The following SNX29 variants were observed in gnomAD, a reference collection of about 807,000 sequenced individuals.
SNX29 encodes the protein sorting nexin 29, also known as sorting nexin-29.
SNX29 carries 78 observed loss-of-function variants against 102.1 expected under a neutral mutation model. The ratio of observed to expected loss-of-function variants is 0.76; its 90% CI spans 0.64 to 0.92. The LOEUF (loss-of-function observed/expected upper bound fraction) is 0.92, where lower values mean the gene tolerates loss of function less well. SNX29 is among the 40% of genes least tolerant of loss of function. SNX29 has a pLI of 0.00. For missense variants in SNX29, 1,280 were observed against 1,061.7 expected (o/e 1.21, Z -2.86); for synonymous variants, 580 against 414.5 (o/e 1.40, Z -4.85).
At chr16:12,220,587 C>T (rs984510517) in intron 14 of SNX29, among the ~76,000 whole-genome samples, 1 of 152,172 alleles carries the variant, frequency 6.6e-6, no homozygotes, top group African/African-American at 2.4e-5. Context: ...GTGCTGATCT[C>T]CCCTGCATGT....
intron 14 of SNX29, among the ~76,000 whole-genome samples, chr16:12,277,251 T>C (rs1234034951): frequency 6.6e-6 from 1 of 151,996 alleles, no homozygotes; most frequent in Non-Finnish European, 1.5e-5. Flanking sequence ...AAAAAAGAAC[T>C]AGCCTGCTGC....
chr16:12,400,150 A>G (rs1045586373), intron 17 of SNX29, among the ~76,000 whole-genome samples: 57 of 152,158 alleles, frequency 3.7e-4, no homozygotes, highest in African/African-American at 1.3e-3. Flanking sequence ...AGCCAGAGGC[A>G]GCAATGGCAC....
rs570784016 is a variant in SNX29 at position 12,548,450 on chromosome 16, C to G, written c.2319-20056C>G. Among the ~76,000 whole-genome samples the G allele has an allele frequency of 5.9e-5, 9 of 152,370 alleles. No individual in the cohort carries two copies. The South Asian group carries it at 1.9e-3, about 32-fold the overall frequency. On this transcript the variant is annotated intron_variant, in intron 20 of 20. Transcript: ENST00000566228. ...GTGCCACATCCCTGTACCATGGCAT[C>G]TGTGTCTTTTGGACAGCACCGGGCT...
At chr16:12,471,685 G>C (rs575515830) in intron 18 of SNX29, among the ~76,000 whole-genome samples, 14 of 152,366 alleles carry the variant, frequency 9.2e-5, no homozygotes, top group South Asian at 2.1e-4. Context: ...GACAGCGAAG[G>C]CAGGGCTATG....
intron 13 of SNX29, among the ~76,000 whole-genome samples, chr16:12,133,856 C>T (rs1018259485): frequency 9.5e-4 from 144 of 152,262 alleles, no homozygotes; most frequent in African/African-American, 3.1e-3. Flanking sequence ...GCTAAGTATG[C>T]GCTTGTGTAT....
At chr16:12,032,521 T>C (rs1376096550) in intron 4 of SNX29, among the ~76,000 whole-genome samples, 2 of 152,106 alleles carry the variant, frequency 1.3e-5, no homozygotes, top group Non-Finnish European at 2.9e-5. Context: ...TTTTCTTCTT[T>C]TTAAAGGCTG....
chr16:12,105,847 G>A (rs2053214035), intron 11 of SNX29, among the ~76,000 whole-genome samples: 1 of 152,126 alleles, frequency 6.6e-6, no homozygotes, highest in South Asian at 2.1e-4. Flanking sequence ...CTTTTTGGGC[G>A]AATATTAAGT....
intron 14 of SNX29, among the ~76,000 whole-genome samples, chr16:12,267,558 GC>G (rs1175723025): frequency 6.6e-6 from 1 of 152,140 alleles, no homozygotes; most frequent in African/African-American, 2.4e-5. Context: ...TTGTGTTTGT[GC>G]TGGAGCCCAA....
intron 19 of SNX29, 76 bp from the exon 20 acceptor site, chr16:12,524,626 A>T (rs2151956662): frequency 1.3e-6 from 2 of 1,515,052 alleles, no homozygotes; most frequent in East Asian, 4.8e-5. Flanking sequence ...CTGATGGGTG[A>T]TCGCCTGTTC....
At chr16:12,432,901 G>T (rs1383989630) in intron 18 of SNX29, among the ~76,000 whole-genome samples, 2 of 152,248 alleles carry the variant, frequency 1.3e-5, no homozygotes, top group Non-Finnish European at 2.9e-5. Context: ...TGTTGACTGT[G>T]CATTGGTTTT....
In SNX29 at chr16:12,571,877, G is replaced by C; in HGVS notation, c.*3248G>C. 9.4e-7 allele frequency: 1 copy of C among 1,061,696 alleles called. No individual in the cohort carries two copies. The highest frequency in any genetic ancestry group is 1.1e-6 in the Non-Finnish European group (1 of 876,966). The allele number at this position is 1,061,696 out of a possible 1,614,324, so 65.8% of individuals were successfully genotyped here. A position where few individuals can be genotyped will look rare whatever the true frequency, so the allele number is the denominator to read the frequency against. On this transcript the variant is annotated 3_prime_UTR_variant, in exon 21 of 21. Transcript: ENST00000566228. The stretch of plus-strand genomic sequence containing the variant: ...TTGCTGGCAAGGCATTTTAGAGTTT[G>C]GAGCTGAGGTTCAAAGCCCCCTGCA...
intron 18 of SNX29, among the ~76,000 whole-genome samples, chr16:12,439,833 C>T (rs1194654653): frequency 1.3e-5 from 2 of 152,230 alleles, no homozygotes; most frequent in Admixed American, 1.3e-4. Context: ...TTCACCCCTG[C>T]AGTGGGGGAA....
intron 20 of SNX29, among the ~76,000 whole-genome samples, chr16:12,547,430 G>A (rs562286407): frequency 1.4e-4 from 22 of 152,244 alleles, no homozygotes; most frequent in South Asian, 1.0e-3. Flanking sequence ...TGGGCACCCC[G>A]GGGAGAGGGG....
At chr16:12,309,866 G>T (rs569657501) in intron 15 of SNX29, among the ~76,000 whole-genome samples, 102 of 152,278 alleles carry the variant, frequency 6.7e-4, no homozygotes, top group African/African-American at 2.3e-3. Context: ...CCTACCCTTG[G>T]TCTGAAGTCT....
chr16:12,027,406 T>A lies in SNX29; in HGVS notation c.209T>A (p.Ile70Asn), dbSNP rs763084719. ...GGATTGGCACTCACAGCGGCAGCGA[T>A]CAAGCAGGCAGCGGGCTTTGCCAGC... ...SRGLALTAAA[I>N]KQAAGFASKT... is the part of the protein sequence containing the mutation. The change falls in exon 4 of 21, where the codon ATC becomes AAC. Residue 70 changes from isoleucine (I) to asparagine (N), a missense_variant. Coordinates refer to ENST00000566228, the MANE Select transcript of SNX29 (RefSeq NM_032167.5). The A allele has an allele frequency of 1.2e-6, 2 of 1,614,126 alleles. No individual in the cohort carries two copies. The highest frequency in any genetic ancestry group is 1.7e-6 in the Non-Finnish European group (2 of 1,179,994).
At chr16:12,079,980 A>G (rs2051784626) in intron 11 of SNX29, among the ~76,000 whole-genome samples, 1 of 152,176 alleles carries the variant, frequency 6.6e-6, no homozygotes, top group Non-Finnish European at 1.5e-5. Context: ...TTCAATCATG[A>G]TCATTCTATT....
At position 12,069,051 on chromosome 16, in the gene SNX29, G is replaced by A. The variant is rs2051170877; in HGVS notation, c.1244-6G>A. 6.2e-7 allele frequency: 1 copy of A among 1,613,740 alleles called. No homozygotes were observed. The stretch of plus-strand genomic sequence containing the variant: ...ACCTCTTTCTGTGATTGCTCTCTCT[G>A]CACAGATGCCCCCCTCGGAAGCCTG... On this transcript the variant is annotated splice_polypyrimidine_tract_variant and splice_region_variant and intron_variant, in intron 9 of 20. Coordinates refer to ENST00000566228, the MANE Select transcript of SNX29 (RefSeq NM_032167.5).
intron 20 of SNX29, among the ~76,000 whole-genome samples, chr16:12,544,977 A>T (rs933590440): frequency 2.4e-4 from 36 of 152,068 alleles, no homozygotes; most frequent in African/African-American, 7.5e-4. Context: ...AGAGAGATTG[A>T]GTAACTTGTC....
intron 9 of SNX29, among the ~76,000 whole-genome samples, chr16:12,064,741 G>A (rs1027715038): frequency 3.3e-5 from 5 of 152,198 alleles, no homozygotes; most frequent in East Asian, 1.9e-4. Flanking sequence ...GTGTGGGGCC[G>A]ACTGGTGCCA....
Sources: allele counts gnomAD v4.1 joint callset (sites outside exome capture counted in the v4.1 genomes callset), GRCh38; gene constraint gnomAD v4.1.1; transcripts MANE v1.5; gene names NCBI Gene and HGNC (gene_info 2026-07-23, HGNC 2026-07-21).